Variants in FSTL3 observed in about 807,000 individuals in gnomAD.
FSTL3 encodes follistatin-related protein 3.
A neutral mutation model predicts 28.1 loss-of-function variants in FSTL3; 21 were observed. The ratio of observed to expected loss-of-function variants is 0.75; its 90% CI spans 0.53 to 1.08. The LOEUF is 1.08. FSTL3 is among the 50% of genes least tolerant of loss of function. FSTL3 has a pLI of 0.00. For missense variants in FSTL3, 400 were observed against 380.9 expected (o/e 1.05, Z -0.42); for synonymous variants, 199 against 164.2 (o/e 1.21, Z -1.62).
At chr19:678,575 A>AT (rs553155759) in intron 2 of FSTL3, among the ~76,000 whole-genome samples, 2 of 124,636 alleles carry the variant, frequency 1.6e-5, no homozygotes, top group East Asian at 5.1e-4. Context: ...CAGTGGTGCG[A>AT]TTTTGGCTCA....
At chr19:676,562 C>T (rs2031212988) in intron 1 of FSTL3, 36 bp downstream of exon 1, 6 of 705,178 alleles carry the variant, frequency 8.5e-6, no homozygotes, top group Non-Finnish European at 9.4e-6. Flanking sequence ...GCGGGGCGGG[C>T]CACCCACGTG....
chr19:680,076 C>A, intron 2 of FSTL3, 198 bp from the exon 3 acceptor site: 3 of 292,434 alleles, frequency 1.0e-5, no homozygotes, highest in Non-Finnish European at 1.9e-5. Context: ...GGACCTCGGC[C>A]CCACCGGTCC....
intron 1 of FSTL3, among the ~76,000 whole-genome samples, chr19:677,237 C>T (rs1044981425): frequency 2.6e-5 from 4 of 152,150 alleles, no homozygotes; most frequent in South Asian, 2.1e-4. Flanking sequence ...CCCAGCCCTG[C>T]GCCAAAGGGA....
In FSTL3 at chr19:682,728, C is replaced by T. The variant is rs1014291909; in HGVS notation, c.*1020C>T. ...TGAGGCAACGTCGCGTGGTCTCAGACGTGGAGCAGCCAGCGGCAGCTCAGA... is the reference window on the plus strand; with the variant it reads ...TGAGGCAACGTCGCGTGGTCTCAGATGTGGAGCAGCCAGCGGCAGCTCAGA... On this transcript the variant is annotated 3_prime_UTR_variant, in exon 5 of 5. Coordinates refer to ENST00000166139, the MANE Select transcript of FSTL3 (RefSeq NM_005860.3). 8.6e-6 allele frequency: 2 copies of T among 233,202 alleles called. No individual in the cohort carries two copies. Among genetic ancestry groups the T allele is most frequent in the South Asian group, 1.8e-4 (1 of 5,548 alleles). 14.4% of individuals were successfully genotyped at this position (233,202 alleles called of 1,614,324 possible).
At position 680,372 on chromosome 19, in the gene FSTL3, G is replaced by A; in HGVS notation, c.388G>A (p.Ala130Thr). 7.8e-7 allele frequency: 1 copy of A among 1,281,860 alleles called. No individual in the cohort carries two copies. Among genetic ancestry groups the A allele is most frequent in the Non-Finnish European group, 9.8e-7 (1 of 1,017,156 alleles). 79.4% of individuals were successfully genotyped at this position (1,281,860 alleles called of 1,614,324 possible). Residue 130 changes from alanine (A) to threonine (T), a missense_variant, in exon 3 of 5, where the codon GCG becomes ACG. Physicochemically the swap from Ala to Thr is moderately conservative, Grantham distance 58 (BLOSUM62 0). Transcript: ENST00000166139. Reference sequence around the variant, plus strand: ...CGCGCCCGACTGCTCGGGGCTCCCGGCGCGGCTGCAGGTCTGCGGCTCAGA... The same window carrying A: ...CGCGCCCGACTGCTCGGGGCTCCCGACGCGGCTGCAGGTCTGCGGCTCAGA... ...ECAPDCSGLP[A>T]RLQVCGSDGA...
rs1471633403 is a variant in FSTL3, at chr19:678,512, T to G, written c.289+535T>G. Among the ~76,000 whole-genome samples, 12 of 123,876 alleles carry G rather than the reference T, an allele frequency of 9.7e-5. No homozygotes were observed. In the East Asian group the frequency reaches 1.7e-3, roughly 18 times the overall value. The allele number at this position is 123,876 out of a possible 152,430, so 81.3% of individuals were successfully genotyped here. On this transcript the variant is annotated intron_variant, in intron 2 of 4. Coordinates refer to ENST00000166139, the MANE Select transcript of FSTL3 (RefSeq NM_005860.3). ...TGGAGGATGATGGTTTTTTTTTTTT[T>G]TTTTTTTTTTTTTCCTGAGATGGAG...
intron 1 of FSTL3, among the ~76,000 whole-genome samples, chr19:676,889 G>A (rs1301729738): frequency 7.3e-6 from 1 of 137,776 alleles, no homozygotes; most frequent in East Asian, 2.0e-4. Context: ...CGACCGTCCG[G>A]GTCGGTCCTG....
In FSTL3 at chr19:680,481, G is replaced by A. The variant is rs1032479017; in HGVS notation, c.497G>A (p.Arg166His). ...HPDLSVMYRG[R>H]CRKSCEHVVC... ...GACCTGAGCGTCATGTACCGGGGCC[G>A]CTGCCGCAGTACGTGGGGGCGTGGT... The change falls in exon 3 of 5, where the codon CGC (arginine) becomes CAC (histidine). Residue 166 changes from arginine to histidine, a missense_variant. By Grantham distance (29) the Arg-to-His change is conservative. Coordinates refer to ENST00000166139, the MANE Select transcript of FSTL3 (RefSeq NM_005860.3). 1 of 1,249,098 alleles carries A rather than the reference G, an allele frequency of 8.0e-7. No individual in the cohort carries two copies. Among genetic ancestry groups the A allele is most frequent in the Non-Finnish European group, 1.0e-6 (1 of 996,588 alleles). 77.4% of individuals were successfully genotyped at this position (1,249,098 alleles called of 1,614,324 possible). A position where few individuals can be genotyped will look rare whatever the true frequency, so the allele number is the denominator to read the frequency against.
chr19:677,030 G>A (rs1320791211), intron 1 of FSTL3, among the ~76,000 whole-genome samples: 4 of 152,100 alleles, frequency 2.6e-5, no homozygotes, highest in South Asian at 2.1e-4. Flanking sequence ...GGCAGGAGAC[G>A]GCCCCACTCC....
intron 2 of FSTL3, among the ~76,000 whole-genome samples, chr19:679,452 A>G (rs914006260): frequency 5.7e-4 from 87 of 152,284 alleles, no homozygotes; most frequent in African/African-American, 2.0e-3. Flanking sequence ...AGCTGTGTTC[A>G]GAGGCCCTAC....
In FSTL3 at chr19:676,468, G is replaced by A. The variant is rs748059186; in HGVS notation, c.45G>A (p.Gly15=). 8 of 1,208,276 alleles carry A rather than the reference G, an allele frequency of 6.6e-6. No individual in the cohort carries two copies. The South Asian group carries it at 1.5e-4, about 22-fold the overall frequency. The allele number at this position is 1,208,276 out of a possible 1,614,324, so 74.8% of individuals were successfully genotyped here. The change falls in exon 1 of 5, where the codon GGG becomes GGA. Residue 15 remains glycine (G), a synonymous_variant. Transcript: ENST00000166139. Reference sequence around the variant, plus strand: ...GGCCACTCTGGCCTCTGCCCTGGGGGGCCCTGGCTTGGGCCGTGGGCTTCG... The same window carrying A: ...GGCCACTCTGGCCTCTGCCCTGGGGAGCCCTGGCTTGGGCCGTGGGCTTCG... ...APGPLWPLPW[G]ALAWAVGFVS... is the part of the protein sequence containing the mutation.
At chr19:676,873 T>TA (rs1373894440) in intron 1 of FSTL3, among the ~76,000 whole-genome samples, 1 of 151,470 alleles carries the variant, frequency 6.6e-6, no homozygotes, top group African/African-American at 2.4e-5. Context: ...GCCAGGGTTC[T>TA]AGCCGCGACC....
rs2031375039 is a variant in FSTL3, at chr19:683,100, C to T, written c.*1392C>T. ...TTCTCCCACGACGGCTCACCCTCCCCTCCATCTGCGTTGATGCTCAGAATC... is the reference window on the plus strand; with the variant it reads ...TTCTCCCACGACGGCTCACCCTCCCTTCCATCTGCGTTGATGCTCAGAATC... On this transcript the variant is annotated 3_prime_UTR_variant, in exon 5 of 5. Coordinates refer to ENST00000166139, the MANE Select transcript of FSTL3 (RefSeq NM_005860.3). The T allele has an allele frequency of 4.3e-6, 1 of 233,394 alleles. No individual in the cohort carries two copies. Among genetic ancestry groups the T allele is most frequent in the Non-Finnish European group, 8.5e-6 (1 of 117,892 alleles). 14.5% of individuals were successfully genotyped at this position (233,394 alleles called of 1,614,324 possible).
Position 681,580 on chromosome 19 carries a change from G to A in FSTL3, c.733+20G>A. ...GCGCAGGTGCAGACGCAGGGCGGGG[G>A]CACAGGCCTGTCCTGGGGGCCGGAG... On this transcript the variant is annotated intron_variant, in intron 4 of 4. Transcript: ENST00000166139. 8 of 1,599,424 alleles carry A rather than the reference G, an allele frequency of 5.0e-6. No homozygotes were observed. The highest frequency in any genetic ancestry group is 6.8e-6 in the Non-Finnish European group (8 of 1,173,756).
intron 3 of FSTL3, chr19:680,847 AG>A (rs1239616131): frequency 8.7e-6 from 2 of 230,628 alleles, no homozygotes; most frequent in Non-Finnish European, 1.7e-5. Flanking sequence ...TTTGGAAAAT[AG>A]TGGGCCTCTG....
chr19:680,000 G>GCTCC (rs1427856525), intron 2 of FSTL3: 1 of 179,600 alleles, frequency 5.6e-6, no homozygotes, highest in African/African-American at 4.4e-5. Flanking sequence ...TCCGGGCAGA[G>GCTCC]ACCCCCCCCC....
chr19:679,100 G>A (rs2031271711), intron 2 of FSTL3, among the ~76,000 whole-genome samples: 2 of 152,064 alleles, frequency 1.3e-5, no homozygotes. Context: ...GCTCCCTCCA[G>A]ACCCCCCTCT....
intron 2 of FSTL3, chr19:678,191 T>C: frequency 1.8e-6 from 1 of 561,928 alleles, no homozygotes; most frequent in South Asian, 2.4e-5. Flanking sequence ...AGAGACCACG[T>C]GGCTCCAGCC....
chr19:681,694 G>T lies in FSTL3; in HGVS notation c.778G>T (p.Glu260Ter), dbSNP rs759110361. 5 of 1,562,212 alleles carry T rather than the reference G, an allele frequency of 3.2e-6. No individual in the cohort carries two copies. In the South Asian group the frequency reaches 5.8e-5, roughly 18 times the overall value. The change falls in exon 5 of 5, where the codon GAG becomes TAG. Residue 260 changes from glutamate (E) to a stop codon, truncating the protein, a stop_gained. Transcript: ENST00000166139. LOFTEE classifies it high-confidence loss of function. ...PPGGESAEEE[E>*]NFV ...AGGTGGTGAGTCTGCAGAAGAGGAA[G>T]AGAACTTCGTGTGAGCCTGCAGGAC...
Sources: allele counts gnomAD v4.1 joint callset (sites outside exome capture counted in the v4.1 genomes callset), GRCh38; gene constraint gnomAD v4.1.1; transcripts MANE v1.5; gene names NCBI Gene and HGNC (gene_info 2026-07-23, HGNC 2026-07-21).